Variants in C4orf50 observed in about 807,000 individuals in gnomAD.
C4orf50 encodes uncharacterized protein C4orf50.
C4orf50 carries 80 observed loss-of-function variants against 77.2 expected under a neutral mutation model. The ratio of observed to expected loss-of-function variants is 1.04; its 90% confidence interval spans 0.87 to 1.25. The LOEUF is 1.25. Ranked by LOEUF, C4orf50 falls within the 50% of genes most tolerant of loss-of-function variation. The pLI is 0.00. For missense variants in C4orf50, 1,257 were observed against 1,152.9 expected, an observed-to-expected ratio of 1.09 and a Z score of -1.31; for synonymous variants, 532 against 465.3, an observed-to-expected ratio of 1.14 and a Z score of -1.84.
At position 5,905,088 on chromosome 4, in the gene C4orf50, C is replaced by G. The variant is rs545621608; in HGVS notation, c.*2475-6900G>C. 6.6e-6 allele frequency: 1 copy of G among 152,210 alleles called. No homozygotes were observed. Among genetic ancestry groups the G allele is most frequent in the Non-Finnish European group, 1.5e-5 (1 of 68,042 alleles). 9.4% of individuals were successfully genotyped at this position (152,210 alleles called of 1,614,324 possible). On this transcript the variant is annotated intron_variant, in intron 7 of 7. Transcript: ENST00000324058. This position sits in a 1 kb window ranked among gnomAD's most constrained non-coding sequence, Gnocchi z 5.4. ...GCAAAACTGTCAAGTAGGCATATGA[C>G]CCTCAAACAGACGAAGAAGAGGATG...
intron 7 of C4orf50, among the ~76,000 whole-genome samples, chr4:5,922,768 T>C (rs1013547700): frequency 1.3e-5 from 2 of 152,150 alleles, no homozygotes; most frequent in African/African-American, 2.4e-5. Flanking sequence ...GATGCCAGAC[T>C]CTAGGGTGGG....
At position 6,015,062 on chromosome 4, in the gene C4orf50, A is replaced by G. The variant is rs1234953679; in HGVS notation, c.287+3083T>C. Among the ~76,000 whole-genome samples the G allele has an allele frequency of 6.6e-6, 1 of 152,134 alleles. No individual in the cohort carries two copies. Among genetic ancestry groups the G allele is most frequent in the Non-Finnish European group, 1.5e-5 (1 of 68,030 alleles). Reference sequence around the variant, plus strand: ...CAACCTTTCTAGAAGATTTGAATGTACAACCCTGTATGGGCCTACGCTGCT... The same window carrying G: ...CAACCTTTCTAGAAGATTTGAATGTGCAACCCTGTATGGGCCTACGCTGCT... On this transcript the variant is annotated intron_variant, in intron 23 of 33. Transcript: ENST00000531445. The surrounding 1 kb of genome is among the most constrained non-coding windows in gnomAD (Gnocchi z 4.4).
At chr4:5,936,727 A>G (rs1337924746) in intron 7 of C4orf50, among the ~76,000 whole-genome samples, 4 of 152,176 alleles carry the variant, frequency 2.6e-5, no homozygotes, top group Non-Finnish European at 5.9e-5. Context: ...AATATATAAC[A>G]GAATTTTTCA....
chr4:5,980,211 T>C (rs1202570133), exon 29 of C4orf50: 1 of 1,607,966 alleles, frequency 6.2e-7, no homozygotes, highest in Admixed American at 1.7e-5. Context: ...GGTGGCCTCG[T>C]CCAGAGACGC....
Position 5,975,880 on chromosome 4 carries a change from G to A in C4orf50, c.3921+19C>T. 1.3e-6 allele frequency: 2 copies of A among 1,581,162 alleles called. No homozygotes were observed. Among genetic ancestry groups the A allele is most frequent in the Non-Finnish European group, 1.7e-6 (2 of 1,150,360 alleles). On this transcript the variant is annotated intron_variant, in intron 30 of 33. Transcript: ENST00000531445. ...TGTTTTGAAAGAGGCATTTCATGTT[G>A]ATTTTATGAACATATTACCTTCAGG... is the stretch of plus-strand genomic sequence containing the variant.
At chr4:5,989,605 A>C (rs1721133854) in exon 28 of C4orf50, 2 of 1,536,118 alleles carry the variant, frequency 1.3e-6, no homozygotes, top group Non-Finnish European at 1.7e-6. Flanking sequence ...CAGCTGCTGG[A>C]AACAAGCCTC....
In C4orf50 at chr4:6,008,742, T is replaced by A. The variant is rs764475809; in HGVS notation, c.427-210A>T. On this transcript the variant is annotated intron_variant, in intron 24 of 33. Transcript: ENST00000531445. The surrounding 1 kb of genome is among the most constrained non-coding windows in gnomAD (Gnocchi z 6.0). ...GGAGGCAAGTGTCTCCCTCACTTCATCCACCCTAGTCTGGGCCCTGCACCT... is the reference window on the plus strand; with the variant it reads ...GGAGGCAAGTGTCTCCCTCACTTCAACCACCCTAGTCTGGGCCCTGCACCT... Among the ~76,000 whole-genome samples, 33 of 152,214 alleles carry A rather than the reference T, an allele frequency of 2.2e-4. No individual in the cohort carries two copies. The highest frequency in any genetic ancestry group is 4.4e-4 in the Non-Finnish European group (30 of 68,034).
At chr4:5,980,255 C>T in exon 29 of C4orf50, 1 of 1,613,006 alleles carries the variant, frequency 6.2e-7, no homozygotes, top group South Asian at 1.1e-5. Flanking sequence ...TGAGCTGGCA[C>T]TGCAGGGTCA....
chr4:5,958,893 G>A lies in C4orf50; in HGVS notation c.*482C>T, dbSNP rs558390961. The stretch of plus-strand genomic sequence containing the variant: ...GATCTTGTTGGGAGCTATGAGATCC[G>A]TCCTGGACTCTCGACCTCAGCACTG... On this transcript the variant is annotated 3_prime_UTR_variant, in exon 34 of 34. Coordinates refer to ENST00000531445, the Ensembl canonical transcript of C4orf50. This position sits in a 1 kb window ranked among gnomAD's most constrained non-coding sequence, Gnocchi z 5.4. 6.9e-5 allele frequency: 11 copies of A among 159,276 alleles called. No individual in the cohort carries two copies. In the South Asian group the frequency reaches 1.3e-3, roughly 19 times the overall value. 9.9% of individuals were successfully genotyped at this position (159,276 alleles called of 1,614,324 possible).
chr4:5,963,867 C>G (rs1719402950), intron 33 of C4orf50, among the ~76,000 whole-genome samples: 1 of 152,152 alleles, frequency 6.6e-6, no homozygotes, highest in Non-Finnish European at 1.5e-5. Context: ...TCACAGGGAA[C>G]TAAAATGGGG....
rs1378266579 is a variant in C4orf50 at position 5,916,872 on chromosome 4, G to GCAGC, written c.*2475-18688_*2475-18685dup. Among the ~76,000 whole-genome samples, 2 of 152,184 alleles carry GCAGC rather than the reference G, an allele frequency of 1.3e-5. No homozygotes were observed. The highest frequency in any genetic ancestry group is 4.8e-5 in the African/African-American group (2 of 41,452). ...CTGAGCTTGCCAGCAACAAAGCACT[G>GCAGC]CAGCTGAGAGCAGAGGCAGGCTGGG... On this transcript the variant is annotated intron_variant, in intron 7 of 7. Coordinates refer to the C4orf50 transcript ENST00000324058. The surrounding 1 kb of genome is among the most constrained non-coding windows in gnomAD (Gnocchi z 4.4).
At chr4:5,995,233 C>T (rs1215746539) in intron 25 of C4orf50, among the ~76,000 whole-genome samples, 46 of 152,112 alleles carry the variant, frequency 3.0e-4, no homozygotes, top group Admixed American at 3.0e-3. Flanking sequence ...GGTACCCTTC[C>T]TGTGCAGAGG....
At chr4:5,929,459 C>T (rs773907658) in intron 7 of C4orf50, among the ~76,000 whole-genome samples, 207 of 152,296 alleles carry the variant, frequency 1.4e-3, no homozygotes, top group Non-Finnish European at 2.4e-3. Context: ...ATTTCCTTGA[C>T]TTTTATGCTC....
At chr4:5,974,242 G>A (rs1258916184) in intron 30 of C4orf50, among the ~76,000 whole-genome samples, 3 of 152,178 alleles carry the variant, frequency 2.0e-5, no homozygotes, top group African/African-American at 7.2e-5. Flanking sequence ...CGAGTGTCAT[G>A]TTTCTATCCT....
At chr4:5,944,745 G>A (rs1718410072) in intron 7 of C4orf50, among the ~76,000 whole-genome samples, 1 of 152,274 alleles carries the variant, frequency 6.6e-6, no homozygotes, top group South Asian at 2.1e-4. Flanking sequence ...CAAGGAAACA[G>A]AAGAGGGCAG....
intron 31 of C4orf50, among the ~76,000 whole-genome samples, chr4:5,969,002 C>G (rs1304529504): frequency 6.6e-6 from 1 of 152,154 alleles, no homozygotes; most frequent in African/African-American, 2.4e-5. Flanking sequence ...CTCTGCCACT[C>G]ACTGATTCCA....
Position 6,011,013 on chromosome 4 carries a change from C to T in C4orf50, c.426+817G>A, listed in dbSNP as rs536957477. 6.6e-6 allele frequency among the ~76,000 whole-genome samples: 1 copy of T among 152,282 alleles called. No homozygotes were observed. The highest frequency in any genetic ancestry group is 1.9e-4 in the East Asian group (1 of 5,176). On this transcript the variant is annotated intron_variant, in intron 24 of 33. Transcript: ENST00000531445. This position sits in a 1 kb window ranked among gnomAD's most constrained non-coding sequence, Gnocchi z 4.2. ...CACTTGCCCAAGGTCACACAGCTAT[C>T]GAGTGGCAGAGCCAGGGTTTGGCTC...
chr4:6,008,444 T>G lies in C4orf50; in HGVS notation c.515A>C (p.Gln172Pro). 1 of 396,988 alleles carries G rather than the reference T, an allele frequency of 2.5e-6. No individual in the cohort carries two copies. The highest frequency in any genetic ancestry group is 4.4e-6 in the Non-Finnish European group (1 of 225,028). 24.6% of individuals were successfully genotyped at this position (396,988 alleles called of 1,614,324 possible). A position where few individuals can be genotyped will look rare whatever the true frequency, so the allele number is the denominator to read the frequency against. The stretch of plus-strand genomic sequence containing the variant: ...GCAGCGCTCCAGGGCCGCCGCCTGC[T>G]GCCCCAGTGCCTCGTCCTTGCGCCG... The change falls in exon 25 of 34, where the codon CAG (glutamine) becomes CCG (proline). Residue 172 changes from glutamine (Q) to proline (P), a missense_variant. By Grantham distance (76) the Gln-to-Pro change is moderately conservative. Transcript: ENST00000531445. The surrounding 1 kb of genome is among the most constrained non-coding windows in gnomAD (Gnocchi z 6.0).
At chr4:6,013,331 T>C (rs978885417) in intron 23 of C4orf50, among the ~76,000 whole-genome samples, 1 of 152,136 alleles carries the variant, frequency 6.6e-6, no homozygotes, top group Non-Finnish European at 1.5e-5. Flanking sequence ...CACTTTCCGA[T>C]GAGTTATACA....
Sources: gnomAD v4.1 joint callset for allele counts (sites outside exome capture counted in the v4.1 genomes callset) on GRCh38, gnomAD v4.1.1 for gene constraint, Gnocchi (gnomAD v3.1) non-coding constraint, MANE v1.5 for transcripts, NCBI Gene and HGNC (gene_info 2026-07-23, HGNC 2026-07-21) for gene names.